The following CNTN6 variants were observed in gnomAD, a reference collection of about 807,000 sequenced individuals.
CNTN6 encodes contactin-6.
CNTN6 carries 137 observed loss-of-function variants against 122.8 expected under a neutral mutation model. The observed-to-expected ratio is 1.12, with a 90% CI of 0.97 to 1.29. The LOEUF (loss-of-function observed/expected upper bound fraction) is 1.29. Ranked by LOEUF, CNTN6 falls within the 50% of genes most tolerant of loss-of-function variation. The probability of loss-of-function intolerance (pLI) is 0.00; values close to 1 mark genes in which losing one functional copy is unlikely to be tolerated. For missense variants in CNTN6, 1,634 were observed against 1,223.4 expected, an observed-to-expected ratio of 1.34 and a Z score of -5.01; for synonymous variants, 570 against 426.0, an observed-to-expected ratio of 1.34 and a Z score of -4.16.
chr3:1,341,418 T>A (rs1226881988), intron 11 of CNTN6, among the ~76,000 whole-genome samples: 1 of 152,170 alleles, frequency 6.6e-6, no homozygotes, highest in East Asian at 1.9e-4. Context: ...TATTTCTCTT[T>A]GGCCTATTTC....
chr3:1,328,539 TCACTC>T (rs1701846530), intron 10 of CNTN6, among the ~76,000 whole-genome samples: 1 of 151,818 alleles, frequency 6.6e-6, no homozygotes, highest in African/African-American at 2.4e-5. Flanking sequence ...ATCTTTATCT[TCACTC>T]AACCTATAAT....
chr3:1,342,430 T>C (rs973614045), intron 11 of CNTN6, among the ~76,000 whole-genome samples: 1 of 152,174 alleles, frequency 6.6e-6, no homozygotes, highest in Non-Finnish European at 1.5e-5. Context: ...GCCTGGCCTG[T>C]CTGTTTCTTT....
chr3:1,122,640 C>G (rs1158003039), intron 1 of CNTN6, among the ~76,000 whole-genome samples: 1 of 151,834 alleles, frequency 6.6e-6, no homozygotes, highest in Non-Finnish European at 1.5e-5. Context: ...AACTACCAAT[C>G]TGTCCTCTGC....
chr3:1,230,820 C>T (rs1208614605), intron 4 of CNTN6, among the ~76,000 whole-genome samples: 5 of 152,194 alleles, frequency 3.3e-5, no homozygotes, highest in Non-Finnish European at 7.4e-5. Context: ...CCACACAGTT[C>T]ATGTGGGCCT....
intron 1 of CNTN6, among the ~76,000 whole-genome samples, chr3:1,119,339 G>GTGTGTGTGTGTGTGTGTGTGTT (rs1284081653): frequency 6.6e-6 from 1 of 151,084 alleles, no homozygotes; most frequent in Non-Finnish European, 1.5e-5. Context: ...GTGTGTGTGT[G>GTGTGTGTGTGTGTGTGTGTGTT]TGTGTGTGTG....
In CNTN6 at chr3:1,245,319, T is replaced by TATA. The variant is rs2094566652; in HGVS notation, c.358+17327_358+17329dup. The stretch of plus-strand genomic sequence containing the variant: ...ACATATATATATATATATATATATA[T>TATA]ATATATATATATATATAGCATGGAA... On this transcript the variant is annotated intron_variant, in intron 4 of 22. Transcript: ENST00000446702. 1.4e-4 allele frequency among the ~76,000 whole-genome samples: 4 copies of TATA among 27,696 alleles called. 1 individual carries two copies. Among genetic ancestry groups the TATA allele is most frequent in the African/African-American group, 5.1e-4 (4 of 7,804 alleles). The allele number at this position is 27,696 out of a possible 152,430, so 18.2% of individuals were successfully genotyped here.
At chr3:1,107,531 C>T (rs2091282339) in intron 1 of CNTN6, among the ~76,000 whole-genome samples, 1 of 152,006 alleles carries the variant, frequency 6.6e-6, no homozygotes, top group Non-Finnish European at 1.5e-5. Context: ...TTAGATTGCT[C>T]ATTAAATGTG....
At chr3:1,237,745 T>C (rs1272173385) in intron 4 of CNTN6, among the ~76,000 whole-genome samples, 1 of 152,188 alleles carries the variant, frequency 6.6e-6, no homozygotes, top group Admixed American at 6.5e-5. Context: ...GATTCTATTT[T>C]TAGCCTCCTT....
chr3:1,204,523 C>T (rs1300131095), intron 2 of CNTN6, among the ~76,000 whole-genome samples: 1 of 151,636 alleles, frequency 6.6e-6, no homozygotes, highest in Admixed American at 6.6e-5. Flanking sequence ...TACATACAAA[C>T]AATTTCTCTA....
Position 1,376,999 on chromosome 3 carries a change from T to C in CNTN6, c.2096-6T>C. ...GCCATCCCACATTTCTCTTGGTTAT[T>C]TTTAGTCCCTGTTGTGGCACCAGTA... On this transcript the variant is annotated splice_region_variant and splice_polypyrimidine_tract_variant and intron_variant, in intron 16 of 22. Transcript: ENST00000446702. 1 of 1,589,130 alleles carries C rather than the reference T, an allele frequency of 6.3e-7. No individual in the cohort carries two copies. The highest frequency in any genetic ancestry group is 1.3e-5 in the African/African-American group (1 of 74,226).
At chr3:1,332,556 GA>G (rs1702468399) in intron 11 of CNTN6, among the ~76,000 whole-genome samples, 1 of 139,334 alleles carries the variant, frequency 7.2e-6, no homozygotes, top group African/African-American at 2.8e-5. Context: ...GGAAGAGAAA[GA>G]GGGGGAAAGA....
At chr3:1,399,123 A>G (rs1186888881) in intron 20 of CNTN6, among the ~76,000 whole-genome samples, 1 of 152,150 alleles carries the variant, frequency 6.6e-6, no homozygotes, top group Non-Finnish European at 1.5e-5. Context: ...CAGAATCCAC[A>G]CTGCCAATGA....
At chr3:1,159,835 C>T (rs549020493) in intron 2 of CNTN6, among the ~76,000 whole-genome samples, 3 of 151,700 alleles carry the variant, frequency 2.0e-5, no homozygotes, top group African/African-American at 7.3e-5. Context: ...TTTTTCCCCC[C>T]CTCAAGACAA....
chr3:1,181,151 T>C (rs2093547397), intron 2 of CNTN6, among the ~76,000 whole-genome samples: 1 of 152,180 alleles, frequency 6.6e-6, no homozygotes, highest in African/African-American at 2.4e-5. Flanking sequence ...AAGCTTTTTA[T>C]ACATTCTAAT....
chr3:1,252,381 A>G (rs1314483466), intron 4 of CNTN6, among the ~76,000 whole-genome samples: 1 of 152,190 alleles, frequency 6.6e-6, no homozygotes, highest in African/African-American at 2.4e-5. Flanking sequence ...CTGACAATAT[A>G]TAACATTTAG....
intron 2 of CNTN6, among the ~76,000 whole-genome samples, chr3:1,168,110 G>C (rs914755783): frequency 2.0e-5 from 3 of 151,802 alleles, no homozygotes; most frequent in African/African-American, 7.3e-5. Context: ...GGTTCCCCAT[G>C]TTGGCCAGGT....
chr3:1,142,612 G>A lies in CNTN6; in HGVS notation c.-82-5315G>A, dbSNP rs192715590. On this transcript the variant is annotated intron_variant, in intron 1 of 22. Transcript: ENST00000446702. ...ATTCCAGAAGCTCGAAAGCCAGAAA[G>A]GGTCAGATAATAAATATTTTCAGCT... 4.6e-4 allele frequency among the ~76,000 whole-genome samples: 70 copies of A among 152,212 alleles called. 1 individual carries two copies. The highest frequency in any genetic ancestry group is 1.6e-3 in the African/African-American group (68 of 41,532).
chr3:1,260,929 T>C (rs1319533303), intron 4 of CNTN6, among the ~76,000 whole-genome samples: 1 of 152,110 alleles, frequency 6.6e-6, no homozygotes, highest in East Asian at 1.9e-4. Flanking sequence ...TATGTCTGTA[T>C]TAGCAGTGTG....
intron 5 of CNTN6, among the ~76,000 whole-genome samples, chr3:1,281,463 ACTT>A: frequency 8.9e-6 from 1 of 112,900 alleles, no homozygotes. Flanking sequence ...ATAAAAGTTG[ACTT>A]TTTTTTTTTT....
Sources: allele counts gnomAD v4.1 joint callset (sites outside exome capture counted in the v4.1 genomes callset), GRCh38; gene constraint gnomAD v4.1.1; transcripts MANE v1.5; gene names NCBI Gene and HGNC (gene_info 2026-07-23, HGNC 2026-07-21).